Variants in ERI1 observed in about 807,000 individuals in gnomAD.
ERI1 encodes the protein 3'-5' exoribonuclease 1.
ERI1 carries 39 observed loss-of-function variants against 39.7 expected under a neutral mutation model. The observed-to-expected ratio is 0.98, with a 90% CI of 0.76 to 1.28. The LOEUF (loss-of-function observed/expected upper bound fraction) is 1.28, where lower values mean the gene tolerates loss of function less well. Among genes scored for constraint, ERI1 ranks in the 50% most tolerant of loss-of-function variants. The pLI, the probability that ERI1 is intolerant of heterozygous loss-of-function variation, is 0.00. For missense variants in ERI1, 581 were observed against 416.9 expected (o/e 1.39, Z -3.43); for synonymous variants, 204 against 149.6 (o/e 1.36, Z -2.65).
Position 9,095,491 on chromosome 8 carries a change from GTTGTTTGT to G in ERI1, n.300-20834_300-20827del, listed in dbSNP as rs79253861. On this transcript the variant is annotated intron_variant and non_coding_transcript_variant, in intron 3 of 3. Transcript: ENST00000518663. Reference sequence around the variant, plus strand: ...TCCATGGGACAGGTCTTTTGTTGTTGTTGTTTGTTTGTTTGTTTGTTTGTTTGTTTTTG... The same window carrying G: ...TCCATGGGACAGGTCTTTTGTTGTTGTTGTTTGTTTGTTTGTTTGTTTTTG... 6.3e-4 allele frequency among the ~76,000 whole-genome samples: 94 copies of G among 149,652 alleles called. 2 individuals are homozygous for G. In the South Asian group the frequency reaches 7.7e-3, roughly 12 times the overall value.
intron 3 of ERI1, among the ~76,000 whole-genome samples, chr8:9,094,323 C>T (rs1799804577): frequency 6.6e-6 from 1 of 152,216 alleles, no homozygotes; most frequent in Non-Finnish European, 1.5e-5. Flanking sequence ...TGCCCTCATT[C>T]TCAGTGCAGA....
intron 3 of ERI1, among the ~76,000 whole-genome samples, chr8:9,041,384 C>A (rs759164528): frequency 5.8e-4 from 88 of 152,120 alleles, no homozygotes; most frequent in Admixed American, 2.2e-3. Context: ...GAGGCATACA[C>A]GCTCTTCTCA....
At chr8:9,043,879 T>C (rs1027479722) in intron 3 of ERI1, among the ~76,000 whole-genome samples, 9 of 152,206 alleles carry the variant, frequency 5.9e-5, no homozygotes, top group African/African-American at 2.2e-4. Context: ...TACTGAATAT[T>C]TAATTCTAAT....
intron 6 of ERI1, among the ~76,000 whole-genome samples, chr8:9,022,367 T>A (rs1481753245): frequency 1.3e-5 from 2 of 152,176 alleles, no homozygotes; most frequent in African/African-American, 2.4e-5. Context: ...TTTGATTATA[T>A]TTGATAATCT....
intron 6 of ERI1, among the ~76,000 whole-genome samples, chr8:9,024,041 C>G (rs1022379644): frequency 1.8e-4 from 28 of 152,002 alleles, no homozygotes; most frequent in African/African-American, 6.5e-4. Flanking sequence ...ACCTTGTGAT[C>G]CGCACACCTT....
Position 9,011,590 on chromosome 8 carries a change from G to T in ERI1, c.336G>T (p.Lys112Asn), listed in dbSNP as rs1355312447. Reference protein sequence around the residue: ...LKKRLKNYYKKQKLMLKESNF... With the variant: ...LKKRLKNYYKNQKLMLKESNF... ...AGAGACTGAAAAACTATTATAAGAA[G>T]CAGAAGCTGATGCTGAAAGAGAGCA... is the stretch of plus-strand genomic sequence containing the variant. Residue 112 changes from lysine (K) to asparagine (N), a missense_variant, in exon 3 of 7, where the codon AAG becomes AAT. Physicochemically the swap from Lys to Asn is moderately conservative, Grantham distance 94 (BLOSUM62 0). Transcript: ENST00000250263. 6.2e-7 allele frequency: 1 copy of T among 1,613,336 alleles called. No individual in the cohort carries two copies. The highest frequency in any genetic ancestry group is 8.5e-7 in the Non-Finnish European group (1 of 1,179,588).
chr8:9,098,947 C>T (rs922610413), intron 3 of ERI1, among the ~76,000 whole-genome samples: 6 of 152,080 alleles, frequency 3.9e-5, no homozygotes, highest in Non-Finnish European at 8.8e-5. Context: ...GATTCTCCTG[C>T]CTCAGCTTCC....
intron 6 of ERI1, among the ~76,000 whole-genome samples, chr8:9,025,116 G>C (rs951123834): frequency 6.6e-6 from 1 of 152,164 alleles, no homozygotes; most frequent in Admixed American, 6.5e-5. Context: ...CTTGAAGTCA[G>C]ATTCTCAGGC....
chr8:9,057,506 A>G (rs1798546761), intron 3 of ERI1, among the ~76,000 whole-genome samples: 1 of 152,162 alleles, frequency 6.6e-6, no homozygotes, highest in Non-Finnish European at 1.5e-5. Context: ...ACAGTTGTTA[A>G]CTAGTGTGTG....
intron 3 of ERI1, among the ~76,000 whole-genome samples, chr8:9,013,350 A>G (rs1000414343): frequency 3.4e-5 from 5 of 148,666 alleles, no homozygotes; most frequent in African/African-American, 1.2e-4. Context: ...AAAAATTAAC[A>G]CTGCACTGCT....
At chr8:9,057,124 C>G (rs987990920) in intron 3 of ERI1, among the ~76,000 whole-genome samples, 1 of 151,924 alleles carries the variant, frequency 6.6e-6, no homozygotes, top group East Asian at 1.9e-4. Context: ...TGAGCCACCA[C>G]ACCGGCCTGT....
At chr8:9,084,447 G>T (rs1799463873) in intron 3 of ERI1, among the ~76,000 whole-genome samples, 1 of 152,164 alleles carries the variant, frequency 6.6e-6, no homozygotes, top group African/African-American at 2.4e-5. Flanking sequence ...AACATTGGTT[G>T]CCCCACGTTT....
intron 3 of ERI1, among the ~76,000 whole-genome samples, chr8:9,076,888 G>C (rs931734135): frequency 1.3e-5 from 2 of 152,232 alleles, no homozygotes; most frequent in Admixed American, 6.5e-5. Context: ...CTCTGGGGCA[G>C]AGTTGATGAT....
intron 3 of ERI1, among the ~76,000 whole-genome samples, chr8:9,087,426 TTTTTTTTTTG>T (rs1327209843): frequency 9.4e-4 from 48 of 51,156 alleles, no homozygotes; most frequent in African/African-American, 3.4e-3. Context: ...TTTTTTTTTT[TTTTTTTTTTG>T]ATTTTTAGTA....
chr8:9,096,154 TG>T, intron 3 of ERI1, among the ~76,000 whole-genome samples: 1 of 152,356 alleles, frequency 6.6e-6, no homozygotes, highest in Middle Eastern at 3.4e-3. Context: ...TGGCATTCAG[TG>T]CAGAGCAAAC....
At chr8:9,013,383 A>G (rs1022685200) in intron 3 of ERI1, among the ~76,000 whole-genome samples, 1 of 150,028 alleles carries the variant, frequency 6.7e-6, no homozygotes, top group African/African-American at 2.5e-5. Flanking sequence ...CTTTCCTTGG[A>G]GCATTTTCTT....
chr8:9,046,050 T>C (rs950073605), intron 3 of ERI1, among the ~76,000 whole-genome samples: 2 of 152,162 alleles, frequency 1.3e-5, no homozygotes, highest in African/African-American at 4.8e-5. Context: ...GAGTTGGGCC[T>C]GTGTTAAAGA....
chr8:9,068,597 T>G (rs1031199102), intron 3 of ERI1, among the ~76,000 whole-genome samples: 1 of 152,074 alleles, frequency 6.6e-6, no homozygotes. Flanking sequence ...CAAAGCAACC[T>G]CCTCCCTCGC....
intron 6 of ERI1, among the ~76,000 whole-genome samples, chr8:9,021,133 T>G (rs148170699): frequency 4.1e-4 from 63 of 152,266 alleles, no homozygotes; most frequent in African/African-American, 1.5e-3. Flanking sequence ...GTGTTCATAC[T>G]CCCGTGACTA....
Sources: gnomAD v4.1 joint callset for allele counts (sites outside exome capture counted in the v4.1 genomes callset) on GRCh38, gnomAD v4.1.1 for gene constraint, MANE v1.5 for transcripts, NCBI Gene and HGNC (gene_info 2026-07-23, HGNC 2026-07-21) for gene names.